CAP1: variants seen among roughly 807,000 people sequenced by gnomAD.
The protein encoded by CAP1 is cyclase associated actin cytoskeleton regulatory protein 1, also known as adenylyl cyclase-associated protein 1.
A neutral mutation model predicts 58.2 loss-of-function variants in CAP1; 11 were observed. The ratio of observed to expected loss-of-function variants is 0.19; its 90% CI spans 0.12 to 0.31. The LOEUF (loss-of-function observed/expected upper bound fraction) is 0.31, where lower values mean the gene tolerates loss of function less well. Ranked by LOEUF, CAP1 falls within the 10% of genes least tolerant of loss-of-function variation. CAP1 has a pLI of 1.00. For synonymous variants in CAP1, 183 were observed against 213.8 expected, an observed-to-expected ratio of 0.86 and a Z score of 1.26; for missense variants, 423 against 587.5, an observed-to-expected ratio of 0.72 and a Z score of 2.89.
intron 1 of CAP1, among the ~76,000 whole-genome samples, chr1:40,045,622 C>T (rs941725884): frequency 2.0e-5 from 3 of 152,162 alleles, no homozygotes; most frequent in Non-Finnish European, 4.4e-5. Context: ...GTGGCGTGAT[C>T]TTGGCTCACT....
chr1:40,050,323 A>T (rs1646297519), intron 1 of CAP1, among the ~76,000 whole-genome samples: 1 of 45,702 alleles, frequency 2.2e-5, no homozygotes. Flanking sequence ...TTGCCTAAAG[A>T]TGATTATTTA....
Position 40,051,551 on chromosome 1 carries a change from TTTTG to T in CAP1, c.-10-7777_-10-7774del, listed in dbSNP as rs1279845277. On this transcript the variant is annotated intron_variant, in intron 1 of 12. Transcript: ENST00000372805. ...CTGGTCAATAGAGCCAGACCCTGTTTTTTGTTTGTTTGGGGTTTTTTTGTTTTGT... is the reference window on the plus strand; with the variant it reads ...CTGGTCAATAGAGCCAGACCCTGTTTTTTGTTTGGGGTTTTTTTGTTTTGT... Among the ~76,000 whole-genome samples, 9 of 152,102 alleles carry T rather than the reference TTTTG, an allele frequency of 5.9e-5. 1 individual carries two copies. In the South Asian group the frequency reaches 6.2e-4, roughly 10 times the overall value.
In CAP1 at chr1:40,072,241, G is replaced by T; in HGVS notation, c.*708G>T. 6.0e-5 allele frequency: 19 copies of T among 317,330 alleles called. No homozygotes were observed. Among genetic ancestry groups the T allele is most frequent in the Admixed American group, 1.3e-4 (2 of 15,450 alleles). The allele number at this position is 317,330 out of a possible 1,614,324, so 19.7% of individuals were successfully genotyped here. A position where few individuals can be genotyped will look rare whatever the true frequency, so the allele number is the denominator to read the frequency against. On this transcript the variant is annotated 3_prime_UTR_variant, in exon 13 of 13. Transcript: ENST00000372805. The stretch of plus-strand genomic sequence containing the variant: ...CTGCCCAGCACCTTCCTATAGAGAT[G>T]ACTTTAAAAGGAAAAAAAAAAAAAA...
chr1:40,046,314 G>A (rs935195741), intron 1 of CAP1, among the ~76,000 whole-genome samples: 1 of 152,050 alleles, frequency 6.6e-6, no homozygotes, highest in Non-Finnish European at 1.5e-5. Context: ...AAATTTGCTG[G>A]GTGTGGTGGC....
intron 8 of CAP1, among the ~76,000 whole-genome samples, chr1:40,068,973 C>T (rs187740357): frequency 1.3e-5 from 2 of 152,082 alleles, no homozygotes; most frequent in Admixed American, 1.3e-4. Flanking sequence ...GCTGGGACTA[C>T]AGCACCTGCC....
rs567410323 is a variant in CAP1, at chr1:40,050,503, A to C, written c.-10-8834A>C. 4.6e-5 allele frequency among the ~76,000 whole-genome samples: 7 copies of C among 151,910 alleles called. No homozygotes were observed. The South Asian group carries it at 1.5e-3, about 32-fold the overall frequency. On this transcript the variant is annotated intron_variant, in intron 1 of 12. Transcript: ENST00000372805. Reference sequence around the variant, plus strand: ...GCGAAACCTTGTCTCTACTAAAAATACAAAAATTCGCCGGGCGTGGTGGTG... The same window carrying C: ...GCGAAACCTTGTCTCTACTAAAAATCCAAAAATTCGCCGGGCGTGGTGGTG...
intron 1 of CAP1, among the ~76,000 whole-genome samples, chr1:40,044,928 C>T (rs574657668): frequency 2.0e-5 from 3 of 151,220 alleles, no homozygotes; most frequent in East Asian, 3.9e-4. Context: ...TCCCGAGTAG[C>T]TGGGACTACA....
chr1:40,049,201 T>TTC, intron 1 of CAP1, among the ~76,000 whole-genome samples: 1 of 142,942 alleles, frequency 7.0e-6, no homozygotes. Context: ...TTTTTTTTTT[T>TTC]TTTGAGACAG....
Position 40,071,525 on chromosome 1 carries a change from G to C in CAP1, c.1420G>C (p.Ala474Pro). The change falls in exon 13 of 13, where the codon GCT becomes CCT. Residue 474 changes from alanine (A) to proline (P), a missense_variant. By Grantham distance (27) the Ala-to-Pro change is conservative (BLOSUM62 -1). Coordinates refer to ENST00000372805, the MANE Select transcript of CAP1 (RefSeq NM_006367.4). Reference protein sequence around the residue: ...QKLVTTVTEIAG With the variant: ...QKLVTTVTEIPG Reference sequence around the variant, plus strand: ...GTTGGTCACCACAGTGACAGAAATTGCTGGATAAGCGAAGTGCCACTGGGT... The same window carrying C: ...GTTGGTCACCACAGTGACAGAAATTCCTGGATAAGCGAAGTGCCACTGGGT... The C allele has an allele frequency of 6.2e-7, 1 of 1,611,424 alleles. No individual in the cohort carries two copies. The highest frequency in any genetic ancestry group is 1.7e-4 in the Middle Eastern group (1 of 6,028).
intron 7 of CAP1, chr1:40,067,335 T>C (rs1647131708): frequency 2.1e-6 from 1 of 465,776 alleles, no homozygotes; most frequent in Non-Finnish European, 3.8e-6. Flanking sequence ...CAAAATGTGA[T>C]GGTCAAGAAA....
intron 2 of CAP1, among the ~76,000 whole-genome samples, 199 bp downstream of exon 2, chr1:40,059,657 A>C (rs1646764401): frequency 6.7e-6 from 1 of 148,686 alleles, no homozygotes; most frequent in Non-Finnish European, 1.5e-5. Context: ...TAACACAAGA[A>C]CTTCCTGCTT....
At chr1:40,063,268 C>T (rs1646936154) in intron 4 of CAP1, among the ~76,000 whole-genome samples, 1 of 152,056 alleles carries the variant, frequency 6.6e-6, no homozygotes, top group South Asian at 2.1e-4. Flanking sequence ...ACCTCCACCT[C>T]CCAGGCTCAA....
At chr1:40,048,978 T>A (rs1366700135) in intron 1 of CAP1, among the ~76,000 whole-genome samples, 1 of 152,102 alleles carries the variant, frequency 6.6e-6, no homozygotes, top group Non-Finnish European at 1.5e-5. Flanking sequence ...AGAAAACATT[T>A]CAAGCATAGC....
Position 40,064,244 on chromosome 1 carries a change from G to A in CAP1, c.312G>A (p.Leu104=), listed in dbSNP as rs374583222. 6.2e-7 allele frequency: 1 copy of A among 1,614,138 alleles called. No homozygotes were observed. The highest frequency in any genetic ancestry group is 8.5e-7 in the Non-Finnish European group (1 of 1,180,014). The change falls in exon 5 of 13, where the codon TTG becomes TTA. Residue 104 remains leucine, a synonymous_variant. Coordinates refer to ENST00000372805, the MANE Select transcript of CAP1 (RefSeq NM_006367.4). Reference sequence around the variant, plus strand: ...TTTCCTAGAATAAGCTTTCCGATTTGTTGGCACCCATCTCAGAGCAGATCA... The same window carrying A: ...TTTCCTAGAATAAGCTTTCCGATTTATTGGCACCCATCTCAGAGCAGATCA... ...QQPAENKLSD[L]LAPISEQIKE...
intron 1 of CAP1, among the ~76,000 whole-genome samples, chr1:40,057,085 T>A (rs982238293): frequency 1.3e-5 from 2 of 152,220 alleles, no homozygotes; most frequent in African/African-American, 4.8e-5. Flanking sequence ...CAAAGTCCCA[T>A]GAAGCTCTAT....
chr1:40,048,577 A>G (rs1646212629), intron 1 of CAP1, among the ~76,000 whole-genome samples: 1 of 152,154 alleles, frequency 6.6e-6, no homozygotes, highest in Non-Finnish European at 1.5e-5. Context: ...TTTTATTATT[A>G]TTATAAAATA....
chr1:40,069,651 G>T (rs758727139), intron 8 of CAP1, 39 bp from the exon 9 acceptor site: 216 of 1,571,256 alleles, frequency 1.4e-4, no homozygotes, highest in Non-Finnish European at 1.8e-4. Context: ...CAAAGGTCTG[G>T]TATGAAGGAC....
chr1:40,060,791 T>G (rs1332126858), intron 3 of CAP1, among the ~76,000 whole-genome samples: 1 of 150,406 alleles, frequency 6.6e-6, no homozygotes, highest in African/African-American at 2.4e-5. Flanking sequence ...CACCTAAACC[T>G]TTCTCGAAGA....
At chr1:40,049,791 C>T (rs1442510305) in intron 1 of CAP1, among the ~76,000 whole-genome samples, 1 of 152,150 alleles carries the variant, frequency 6.6e-6, no homozygotes, top group Non-Finnish European at 1.5e-5. Flanking sequence ...CATGCCACAA[C>T]CCATTTCTGC....
Sources: allele counts gnomAD v4.1 joint callset (sites outside exome capture counted in the v4.1 genomes callset), GRCh38; gene constraint gnomAD v4.1.1; transcripts MANE v1.5; gene names NCBI Gene and HGNC (gene_info 2026-07-23, HGNC 2026-07-21).